The following PTPDC1 variants were observed in gnomAD, a reference collection of about 807,000 sequenced individuals.
PTPDC1 encodes protein tyrosine phosphatase domain-containing protein 1.
A neutral mutation model predicts 75.3 loss-of-function variants in PTPDC1; 53 were observed. That is an observed-to-expected ratio of 0.70 (90% CI 0.56 to 0.88). The LOEUF (loss-of-function observed/expected upper bound fraction) is 0.88. Among genes scored for constraint, PTPDC1 ranks in the 40% least tolerant of loss-of-function variants. The pLI is 0.00. For missense variants in PTPDC1, 925 were observed against 998.6 expected (o/e 0.93, Z 0.99); for synonymous variants, 349 against 366.2 (o/e 0.95, Z 0.54).
intron 1 of PTPDC1, among the ~76,000 whole-genome samples, chr9:94,051,835 G>C (rs1825800997): frequency 6.6e-6 from 1 of 151,946 alleles, no homozygotes; most frequent in Non-Finnish European, 1.5e-5. Flanking sequence ...CTTGATACTG[G>C]CAATTTGTGT....
intron 8 of PTPDC1, 148 bp from the exon 9 acceptor site, chr9:94,107,680 A>G (rs529355843): frequency 6.5e-6 from 3 of 459,490 alleles, no homozygotes; most frequent in African/African-American, 4.1e-5. Flanking sequence ...TAGTCTTTCA[A>G]ATAAAATGTG....
In PTPDC1 at chr9:94,094,819, G is replaced by A. The variant is rs557610957; in HGVS notation, c.617-498G>A. On this transcript the variant is annotated intron_variant, in intron 4 of 8. Transcript: ENST00000620992. ...AGCCCGTCCGAAAAGCGCAGTGTTC[G>A]GGTGGGAGTGACCCGACTTTCCAGG... is the stretch of plus-strand genomic sequence containing the variant. Among the ~76,000 whole-genome samples, 21 of 152,352 alleles carry A rather than the reference G, an allele frequency of 1.4e-4. No individual in the cohort carries two copies. The East Asian group carries it at 2.7e-3, about 20-fold the overall frequency.
chr9:94,075,074 A>AC (rs1826640401), intron 2 of PTPDC1, among the ~76,000 whole-genome samples: 1 of 152,076 alleles, frequency 6.6e-6, no homozygotes, highest in East Asian at 1.9e-4. Flanking sequence ...TCACAGATAG[A>AC]CCCCAATGAC....
chr9:94,058,353 T>C (rs1826010555), intron 1 of PTPDC1, among the ~76,000 whole-genome samples: 1 of 152,102 alleles, frequency 6.6e-6, no homozygotes, highest in Non-Finnish European at 1.5e-5. Context: ...ATGATTATGA[T>C]AGTATGATTA....
At chr9:94,054,337 T>C (rs910859060) in intron 1 of PTPDC1, among the ~76,000 whole-genome samples, 1 of 152,118 alleles carries the variant, frequency 6.6e-6, no homozygotes, top group African/African-American at 2.4e-5. Flanking sequence ...GACTTACATA[T>C]TGGGGACAGA....
intron 1 of PTPDC1, among the ~76,000 whole-genome samples, chr9:94,063,795 A>G (rs1587860728): frequency 1.3e-5 from 2 of 152,194 alleles, no homozygotes; most frequent in Non-Finnish European, 2.9e-5. Context: ...TTGTAGATTT[A>G]TTGGTACAAG....
intron 4 of PTPDC1, among the ~76,000 whole-genome samples, chr9:94,093,887 G>T (rs1372061869): frequency 6.7e-6 from 1 of 149,756 alleles, no homozygotes; most frequent in Non-Finnish European, 1.5e-5. Context: ...GGCTCCTGAG[G>T]CTTCTGCATT....
At chr9:94,038,141 G>A (rs547012471) in intron 1 of PTPDC1, 179 of 604,892 alleles carry the variant, frequency 3.0e-4, no homozygotes, top group African/African-American at 2.9e-3. Context: ...TGGTCTCTTC[G>A]GGCAGAAGAC....
intron 2 of PTPDC1, among the ~76,000 whole-genome samples, chr9:94,078,475 T>C (rs894855981): frequency 6.6e-6 from 1 of 152,226 alleles, no homozygotes; most frequent in Non-Finnish European, 1.5e-5. Context: ...TGTATCCTAC[T>C]TAGAGTTTTT....
chr9:94,098,645 T>C (rs1394607001), intron 6 of PTPDC1, 66 bp downstream of exon 6: 4 of 1,306,832 alleles, frequency 3.1e-6, no homozygotes, highest in Non-Finnish European at 4.3e-6. Context: ...AAAAGTGTGA[T>C]ACATTTTCCC....
intron 7 of PTPDC1, among the ~76,000 whole-genome samples, chr9:94,103,865 C>G (rs1827927576): frequency 6.6e-6 from 1 of 152,188 alleles, no homozygotes; most frequent in Non-Finnish European, 1.5e-5. Flanking sequence ...TATGCAGTGG[C>G]TGGGTACCCA....
chr9:94,090,591 A>G (rs1318764447), intron 4 of PTPDC1, among the ~76,000 whole-genome samples: 22 of 112,174 alleles, frequency 2.0e-4, no homozygotes, highest in African/African-American at 7.9e-4. Flanking sequence ...ATGAACTTTA[A>G]AGTAGTTTTT....
At chr9:94,034,959 A>G (rs1056611049) in intron 1 of PTPDC1, among the ~76,000 whole-genome samples, 1 of 152,234 alleles carries the variant, frequency 6.6e-6, no homozygotes, top group African/African-American at 2.4e-5. Flanking sequence ...TTGTGATGAG[A>G]ACATTTGAAA....
chr9:94,047,355 C>T (rs545513838), intron 1 of PTPDC1, among the ~76,000 whole-genome samples: 68 of 152,180 alleles, frequency 4.5e-4, no homozygotes, highest in African/African-American at 1.3e-3. Flanking sequence ...TGATGCTGGC[C>T]TCATAAAATG....
upstream of PTPDC1, among the ~76,000 whole-genome samples, chr9:94,079,763 G>A (rs1383530616): frequency 6.6e-6 from 1 of 152,202 alleles, no homozygotes; most frequent in East Asian, 1.9e-4. Flanking sequence ...TACTAGCCAT[G>A]TCTCTGGAGC....
rs989827176 is a variant in PTPDC1, at chr9:94,098,752, A to T, written c.2013+173A>T. On this transcript the variant is annotated intron_variant, in intron 6 of 8. Coordinates refer to ENST00000620992, the MANE Select transcript of PTPDC1 (RefSeq NM_001253829.2). ...ATGCGAACCTGATGTTATAGAAAAA[A>T]CACAGGGTGTTTGTATGGTTTCATT... is the stretch of plus-strand genomic sequence containing the variant. 7 of 640,138 alleles carry T rather than the reference A, an allele frequency of 1.1e-5. No individual in the cohort carries two copies. In the African/African-American group the frequency reaches 1.3e-4, roughly 12 times the overall value. The allele number at this position is 640,138 out of a possible 1,614,324, so 39.7% of individuals were successfully genotyped here.
At position 94,106,510 on chromosome 9, in the gene PTPDC1, T is replaced by C. The variant is rs12551053; in HGVS notation, c.2311-1318T>C. 4.3e-3 allele frequency among the ~76,000 whole-genome samples: 655 copies of C among 152,240 alleles called. 19 individuals are homozygous for C. The highest frequency in any genetic ancestry group is 0.039 in the Admixed American group (595 of 15,292). Reference sequence around the variant, plus strand: ...CCTAGGCCCTTCTGCATTGCCTCCATGAGACTTGAGAGACAAGGAGAACCC... The same window carrying C: ...CCTAGGCCCTTCTGCATTGCCTCCACGAGACTTGAGAGACAAGGAGAACCC... On this transcript the variant is annotated intron_variant, in intron 8 of 8. Transcript: ENST00000620992.
intron 2 of PTPDC1, among the ~76,000 whole-genome samples, chr9:94,067,595 AT>A (rs1274335637): frequency 6.6e-6 from 1 of 152,094 alleles, no homozygotes; most frequent in Non-Finnish European, 1.5e-5. Context: ...AAGTCAATAC[AT>A]TGTAATTGGT....
At chr9:94,064,945 T>G (rs950030886) in intron 2 of PTPDC1, 14 of 684,928 alleles carry the variant, frequency 2.0e-5, no homozygotes, top group Non-Finnish European at 3.4e-5. Flanking sequence ...GTTGCAAGTA[T>G]TACTTACTGC....
Sources: allele counts gnomAD v4.1 joint callset (sites outside exome capture counted in the v4.1 genomes callset), GRCh38; gene constraint gnomAD v4.1.1; transcripts MANE v1.5; gene names NCBI Gene and HGNC (gene_info 2026-07-23, HGNC 2026-07-21).